Variants in CNTN4 observed in about 807,000 individuals in gnomAD.
CNTN4 encodes contactin 4, also known as contactin-4.
Under a neutral mutation model 122.5 loss-of-function variants are expected in CNTN4, and 77 were observed. The ratio of observed to expected loss-of-function variants is 0.63; its 90% confidence interval spans 0.52 to 0.76. The LOEUF is 0.76. CNTN4 is among the 30% of genes least tolerant of loss of function. The probability of loss-of-function intolerance (pLI) is 0.00; values close to 1 mark genes in which losing one functional copy is unlikely to be tolerated. For synonymous variants in CNTN4, 512 were observed against 447.0 expected (o/e 1.15, Z -1.83); for missense variants, 1,256 against 1,259.1 (o/e 1.00, Z 0.04).
chr3:2,467,882 C>A (rs1559579768), intron 3 of CNTN4, among the ~76,000 whole-genome samples: 1 of 152,184 alleles, frequency 6.6e-6, no homozygotes, highest in Non-Finnish European at 1.5e-5. Flanking sequence ...ATGCAGCATT[C>A]ACACATCACC....
At chr3:2,816,820 CAAA>C (rs538762827) in intron 6 of CNTN4, among the ~76,000 whole-genome samples, 36 of 73,238 alleles carry the variant, frequency 4.9e-4, no homozygotes, top group African/African-American at 9.0e-4. Context: ...ACTCTGTCTC[CAAA>C]AAAAAAAAAA....
At chr3:2,633,506 G>A (rs893394972) in intron 4 of CNTN4, among the ~76,000 whole-genome samples, 5 of 152,174 alleles carry the variant, frequency 3.3e-5, no homozygotes, top group Non-Finnish European at 5.9e-5. Flanking sequence ...GGCTTCTCAC[G>A]TTTATACAGA....
Position 2,183,492 on chromosome 3 carries a change from T to C in CNTN4, c.-145+82853T>C, listed in dbSNP as rs553906590. On this transcript the variant is annotated intron_variant, in intron 2 of 24. Transcript: ENST00000418658. The stretch of plus-strand genomic sequence containing the variant: ...GGCTCATTTTTTGCCCAATAAATTA[T>C]TCCCGCTTATTGACAGGACTGATTT... 5.9e-4 allele frequency among the ~76,000 whole-genome samples: 90 copies of C among 152,306 alleles called. 1 individual carries two copies. The highest frequency in any genetic ancestry group is 2.1e-3 in the African/African-American group (87 of 41,572).
chr3:2,724,329 G>T (rs781677319), intron 4 of CNTN4, among the ~76,000 whole-genome samples: 1 of 152,082 alleles, frequency 6.6e-6, no homozygotes, highest in Non-Finnish European at 1.5e-5. Context: ...CCCCTTACCT[G>T]CCATAAACTT....
At chr3:2,574,367 T>TA (rs567730455) in intron 4 of CNTN4, among the ~76,000 whole-genome samples, 55 of 152,318 alleles carry the variant, frequency 3.6e-4, no homozygotes, top group Admixed American at 1.6e-3. Flanking sequence ...TTACCATAAT[T>TA]AGTGACTCTC....
At chr3:2,663,115 AAGAAAAG>A (rs1225098092) in intron 4 of CNTN4, among the ~76,000 whole-genome samples, 4 of 152,098 alleles carry the variant, frequency 2.6e-5, no homozygotes, top group Non-Finnish European at 5.9e-5. Context: ...AGAAAAAAAA[AAGAAAAG>A]GGAAATAAAG....
At chr3:2,559,552 C>T (rs1357256384) in intron 3 of CNTN4, among the ~76,000 whole-genome samples, 1 of 151,852 alleles carries the variant, frequency 6.6e-6, no homozygotes, top group African/African-American at 2.4e-5. Context: ...TTGTAACTGA[C>T]CCATAGTAAG....
At chr3:2,684,394 C>CAA (rs111434212) in intron 4 of CNTN4, among the ~76,000 whole-genome samples, 2 of 151,186 alleles carry the variant, frequency 1.3e-5, no homozygotes, top group African/African-American at 4.9e-5. Context: ...CTGCTGGAAA[C>CAA]AAAAAAAAGG....
Position 2,523,586 on chromosome 3 carries a change from G to A in CNTN4, c.-88-47830G>A, listed in dbSNP as rs114967492. Among the ~76,000 whole-genome samples, 1,264 of 152,062 alleles carry A rather than the reference G, an allele frequency of 8.3e-3. 12 individuals carry two copies. The highest frequency in any genetic ancestry group is 0.029 in the African/African-American group (1,208 of 41,502). ...CCTCAAGTCTGGATTTGAGCTGAAG[G>A]GACATGACCTTGGCTTTGAACTTGA... On this transcript the variant is annotated intron_variant, in intron 3 of 24. Transcript: ENST00000418658.
At chr3:2,146,880 G>T (rs530627727) in intron 2 of CNTN4, among the ~76,000 whole-genome samples, 1 of 151,968 alleles carries the variant, frequency 6.6e-6, no homozygotes, top group African/African-American at 2.4e-5. Flanking sequence ...GTTTTTTGTT[G>T]TTGTTTTGTT....
chr3:2,782,728 C>T (rs923323798), intron 6 of CNTN4, among the ~76,000 whole-genome samples: 1 of 152,056 alleles, frequency 6.6e-6, no homozygotes. Context: ...TTCCCTGGGG[C>T]TTTCAGGCTA....
At chr3:2,154,739 T>C (rs1450093636) in intron 2 of CNTN4, among the ~76,000 whole-genome samples, 1 of 152,230 alleles carries the variant, frequency 6.6e-6, no homozygotes, top group Non-Finnish European at 1.5e-5. Context: ...TTTGCTCTTA[T>C]TCCACGTTCA....
intron 6 of CNTN4, among the ~76,000 whole-genome samples, chr3:2,780,205 A>G (rs77872089): frequency 1.3e-5 from 2 of 152,214 alleles, no homozygotes; most frequent in Admixed American, 1.3e-4. Flanking sequence ...ACAGAATGAT[A>G]TAAAGTATTT....
chr3:2,187,867 G>A (rs1295547155), intron 2 of CNTN4, among the ~76,000 whole-genome samples: 1 of 152,066 alleles, frequency 6.6e-6, no homozygotes, highest in Non-Finnish European at 1.5e-5. Flanking sequence ...GTAGGGAAAG[G>A]TGGCATGGTA....
chr3:2,259,972 GT>G (rs529561891), intron 2 of CNTN4, among the ~76,000 whole-genome samples: 4 of 152,026 alleles, frequency 2.6e-5, no homozygotes, highest in Non-Finnish European at 5.9e-5. Flanking sequence ...TTATTTTCAA[GT>G]TTTTTTAGTC....
At chr3:2,992,725 A>G (rs1695162806) in intron 14 of CNTN4, among the ~76,000 whole-genome samples, 1 of 152,236 alleles carries the variant, frequency 6.6e-6, no homozygotes, top group Non-Finnish European at 1.5e-5. Context: ...GTAGGGCAGT[A>G]TGCTGTGGAT....
chr3:2,799,933 A>C (rs777744345), intron 6 of CNTN4, among the ~76,000 whole-genome samples: 1 of 152,032 alleles, frequency 6.6e-6, no homozygotes, highest in Non-Finnish European at 1.5e-5. Flanking sequence ...GTCAAACCTC[A>C]GTTGGCTGTA....
At chr3:2,638,595 C>T (rs569730820) in intron 4 of CNTN4, among the ~76,000 whole-genome samples, 2 of 152,056 alleles carry the variant, frequency 1.3e-5, no homozygotes, top group East Asian at 3.9e-4. Context: ...ATTCTATTCA[C>T]AACTCAAAAA....
intron 13 of CNTN4, among the ~76,000 whole-genome samples, chr3:2,930,623 T>C (rs891001271): frequency 6.6e-6 from 1 of 152,292 alleles, no homozygotes; most frequent in South Asian, 2.1e-4. Context: ...AAATGGATAA[T>C]AAGCAGGTAT....
Sources: allele counts gnomAD v4.1 joint callset (sites outside exome capture counted in the v4.1 genomes callset), GRCh38; gene constraint gnomAD v4.1.1; transcripts MANE v1.5; gene names NCBI Gene and HGNC (gene_info 2026-07-23, HGNC 2026-07-21).